PKD1L1: variants seen among roughly 807,000 people sequenced by gnomAD.
PKD1L1 encodes polycystin-1-like protein 1.
PKD1L1 carries 236 observed loss-of-function variants against 323.4 expected under a neutral mutation model. The ratio of observed to expected loss-of-function variants is 0.73; its 90% CI spans 0.66 to 0.81. PKD1L1 has a LOEUF of 0.81. Among genes scored for constraint, PKD1L1 ranks in the 40% least tolerant of loss-of-function variants. PKD1L1 has a pLI of 0.00. For missense variants in PKD1L1, 3,320 were observed against 3,508.0 expected (o/e 0.95, Z 1.35); for synonymous variants, 1,344 against 1,335.0 (o/e 1.01, Z -0.15).
rs143159052 is a variant in PKD1L1 at position 47,788,561 on chromosome 7, TTA to T, written c.8526+4064_8526+4065del. On this transcript the variant is annotated intron_variant, in intron 56 of 56. Transcript: ENST00000289672. ...GTGTGAGCCACCACACCCAGCCCAG[TTA>T]TATATATATATATATTTTTTTTTTT... Among the ~76,000 whole-genome samples, 441 of 133,174 alleles carry T rather than the reference TTA, an allele frequency of 3.3e-3. 3 individuals are homozygous for T. Among genetic ancestry groups the T allele is most frequent in the African/African-American group, 0.011 (407 of 35,588 alleles). 87.4% of individuals were successfully genotyped at this position (133,174 alleles called of 152,430 possible). A position where few individuals can be genotyped will look rare whatever the true frequency, so the allele number is the denominator to read the frequency against.
At chr7:47,919,706 T>G (rs1317002676) in intron 7 of PKD1L1, among the ~76,000 whole-genome samples, 1 of 152,112 alleles carries the variant, frequency 6.6e-6, no homozygotes, top group Non-Finnish European at 1.5e-5. Flanking sequence ...GCAGGTATGG[T>G]TTAACATACT....
In PKD1L1 at chr7:47,837,101, CGG is replaced by C; in HGVS notation, c.5770-9_5770-8del. 6.2e-7 allele frequency: 1 copy of C among 1,613,696 alleles called. No individual in the cohort carries two copies. The highest frequency in any genetic ancestry group is 1.3e-5 in the African/African-American group (1 of 75,040). ...TGAACTTGCAATAGAAAAGCTGAAACGGAAAGCAGGAGAAGTGTTCCCTGACA... is the reference window on the plus strand; with the variant it reads ...TGAACTTGCAATAGAAAAGCTGAAACAAAGCAGGAGAAGTGTTCCCTGACA... On this transcript the variant is annotated splice_region_variant and splice_polypyrimidine_tract_variant and intron_variant, in intron 36 of 56. Coordinates refer to ENST00000289672, the MANE Select transcript of PKD1L1 (RefSeq NM_138295.5).
intron 1 of PKD1L1, among the ~76,000 whole-genome samples, chr7:47,945,682 A>C (rs2128759708): frequency 6.6e-6 from 1 of 152,364 alleles, no homozygotes; most frequent in East Asian, 1.9e-4. Context: ...AATAAAATTA[A>C]GGAAAGGACG....
upstream of PKD1L1, among the ~76,000 whole-genome samples, chr7:47,952,781 A>C (rs2128761422): frequency 6.6e-6 from 1 of 152,328 alleles, no homozygotes; most frequent in African/African-American, 2.4e-5. Context: ...TACACTTTTA[A>C]AGCCATTGTC....
At chr7:47,809,843 C>T (rs780305439) in intron 50 of PKD1L1, 14 of 322,416 alleles carry the variant, frequency 4.3e-5, no homozygotes, top group Middle Eastern at 8.6e-4. Context: ...AGGGAAAGCA[C>T]GGAGTATGGG....
intron 45 of PKD1L1, among the ~76,000 whole-genome samples, chr7:47,825,928 G>C (rs1420729371): frequency 6.6e-6 from 1 of 151,974 alleles, no homozygotes; most frequent in Non-Finnish European, 1.5e-5. Flanking sequence ...CTCTGGGCCT[G>C]TTCTGCTTGG....
intron 53 of PKD1L1, among the ~76,000 whole-genome samples, chr7:47,802,879 A>G (rs1784694451): frequency 6.6e-6 from 1 of 152,242 alleles, no homozygotes; most frequent in Non-Finnish European, 1.5e-5. Flanking sequence ...AAACGAAGTA[A>G]TCTATGAGAG....
At chr7:47,878,934 T>C (rs1786469009) in intron 21 of PKD1L1, among the ~76,000 whole-genome samples, 1 of 152,174 alleles carries the variant, frequency 6.6e-6, no homozygotes, top group African/African-American at 2.4e-5. Context: ...CTCTCATGTG[T>C]CTCCTGCACC....
intron 24 of PKD1L1, among the ~76,000 whole-genome samples, chr7:47,873,649 CAAAAAAA>C (rs57012071): frequency 9.9e-4 from 77 of 78,096 alleles, no homozygotes; most frequent in African/African-American, 3.4e-3. Context: ...GACTCTGTCT[CAAAAAAA>C]AAAAAAAAAA....
intron 14 of PKD1L1, among the ~76,000 whole-genome samples, chr7:47,897,078 CGATGA>C (rs1786952645): frequency 1.3e-5 from 2 of 152,198 alleles, no homozygotes; most frequent in Admixed American, 6.5e-5. Flanking sequence ...GCCTATTTCG[CGATGA>C]GATAAGTACA....
At chr7:47,873,761 G>A (rs1026410895) in intron 24 of PKD1L1, 138 bp downstream of exon 24, 8 of 589,212 alleles carry the variant, frequency 1.4e-5, no homozygotes, top group South Asian at 7.5e-5. Flanking sequence ...GATAGCACCC[G>A]GACTTTTTTA....
intron 25 of PKD1L1, 60 bp downstream of exon 25, chr7:47,866,359 T>G: frequency 7.1e-4 from 1,089 of 1,538,078 alleles, no homozygotes; most frequent in Non-Finnish European, 8.8e-4. Context: ...CAGCCAGTCA[T>G]GAGCCCTGCC....
At chr7:47,886,428 G>A (rs569587834) in intron 17 of PKD1L1, among the ~76,000 whole-genome samples, 4 of 152,186 alleles carry the variant, frequency 2.6e-5, no homozygotes, top group South Asian at 2.1e-4. Context: ...TCCCCTACCC[G>A]CCAGTAAGTG....
rs751458893 is a variant in PKD1L1, at chr7:47,815,315, G to A, written c.7089+19C>T. ...CTTTTCTGAGATGATCTCCTATGAA[G>A]AGGAGACGGAAAGCTCACCTGAGCC... On this transcript the variant is annotated intron_variant, in intron 47 of 56. Coordinates refer to ENST00000289672, the MANE Select transcript of PKD1L1 (RefSeq NM_138295.5). 1.2e-6 allele frequency: 2 copies of A among 1,611,580 alleles called. No individual in the cohort carries two copies. Among genetic ancestry groups the A allele is most frequent in the Non-Finnish European group, 1.7e-6 (2 of 1,179,316 alleles).
chr7:47,913,665 G>A (rs1443995119), intron 8 of PKD1L1, among the ~76,000 whole-genome samples: 1 of 152,156 alleles, frequency 6.6e-6, no homozygotes, highest in African/African-American at 2.4e-5. Flanking sequence ...TGCCATGATT[G>A]TAAGTTTCCT....
chr7:47,894,083 G>A, intron 14 of PKD1L1, 24 bp from the exon 15 acceptor site: 2 of 1,527,718 alleles, frequency 1.3e-6, no homozygotes, highest in African/African-American at 1.4e-5. Flanking sequence ...GAAGGACAGG[G>A]GATGTCATGC....
At chr7:47,802,453 C>G (rs773482343) in intron 53 of PKD1L1, among the ~76,000 whole-genome samples, 1 of 152,190 alleles carries the variant, frequency 6.6e-6, no homozygotes, top group African/African-American at 2.4e-5. Flanking sequence ...CTGGTTTGCT[C>G]AGCATGTTCC....
At chr7:47,934,494 T>C (rs1427104069) in intron 4 of PKD1L1, among the ~76,000 whole-genome samples, 3 of 152,212 alleles carry the variant, frequency 2.0e-5, no homozygotes, top group African/African-American at 4.8e-5. Context: ...TAATGTGACA[T>C]ATTTTTAGTC....
chr7:47,928,186 A>G (rs987494702), intron 7 of PKD1L1, among the ~76,000 whole-genome samples: 10 of 152,256 alleles, frequency 6.6e-5, no homozygotes, highest in Admixed American at 6.5e-4. Context: ...CTGTGGGTCA[A>G]TAGAAAAGGA....
Sources: allele counts gnomAD v4.1 joint callset (sites outside exome capture counted in the v4.1 genomes callset), GRCh38; gene constraint gnomAD v4.1.1; transcripts MANE v1.5; gene names NCBI Gene and HGNC (gene_info 2026-07-23, HGNC 2026-07-21).